The following CACHD1 variants were observed in gnomAD, a reference collection of about 807,000 sequenced individuals.
CACHD1 encodes the protein VWFA and cache domain-containing protein 1.
A neutral mutation model predicts 138.7 loss-of-function variants in CACHD1; 71 were observed. That is an observed-to-expected ratio of 0.51 (90% CI 0.42 to 0.62). The LOEUF (loss-of-function observed/expected upper bound fraction) is 0.62. CACHD1 is among the 20% of genes least tolerant of loss of function. The pLI, the probability that CACHD1 is intolerant of heterozygous loss-of-function variation, is 0.00. For synonymous variants in CACHD1, 578 were observed against 591.5 expected (o/e 0.98, Z 0.33); for missense variants, 1,389 against 1,625.3 (o/e 0.85, Z 2.50).
At chr1:64,483,874 C>G (rs1280747384) in intron 1 of CACHD1, among the ~76,000 whole-genome samples, 4 of 146,282 alleles carry the variant, frequency 2.7e-5, no homozygotes, top group South Asian at 2.3e-4. Context: ...TCCCCCCCCC[C>G]CTTGCATATA....
chr1:64,505,395 G>A (rs559986223), intron 1 of CACHD1, among the ~76,000 whole-genome samples: 2 of 152,184 alleles, frequency 1.3e-5, no homozygotes, highest in South Asian at 4.1e-4. Flanking sequence ...GGAGGGGAGG[G>A]GAGGGGACAT....
chr1:64,533,004 A>G (rs1220634634), intron 1 of CACHD1, among the ~76,000 whole-genome samples: 1 of 152,004 alleles, frequency 6.6e-6, no homozygotes, highest in Non-Finnish European at 1.5e-5. Flanking sequence ...TGAATTCTGT[A>G]GGATTAGGAC....
At chr1:64,533,174 G>T (rs375783293) in intron 1 of CACHD1, among the ~76,000 whole-genome samples, 53 of 152,174 alleles carry the variant, frequency 3.5e-4, no homozygotes, top group African/African-American at 1.3e-3. Flanking sequence ...TGGTCAACAT[G>T]GTGAAACCCC....
chr1:64,561,850 A>G (rs1646842069), intron 2 of CACHD1, among the ~76,000 whole-genome samples: 1 of 106,562 alleles, frequency 9.4e-6, no homozygotes, highest in Admixed American at 1.1e-4. Flanking sequence ...AGAGCAAGAC[A>G]CTGTCTCCAA....
chr1:64,562,931 A>G (rs1319118319), intron 2 of CACHD1, among the ~76,000 whole-genome samples: 2 of 152,046 alleles, frequency 1.3e-5, no homozygotes, highest in Non-Finnish European at 2.9e-5. Flanking sequence ...CATATATCAA[A>G]AAGTTTTGGT....
chr1:64,564,767 A>G (rs1027160613), intron 2 of CACHD1, among the ~76,000 whole-genome samples: 2 of 152,174 alleles, frequency 1.3e-5, no homozygotes, highest in African/African-American at 4.8e-5. Flanking sequence ...GAAGCTTTTA[A>G]TAGAAGCAAA....
chr1:64,519,613 C>T (rs1398080013), intron 1 of CACHD1, among the ~76,000 whole-genome samples: 1 of 147,930 alleles, frequency 6.8e-6, no homozygotes, highest in Non-Finnish European at 1.5e-5. Flanking sequence ...AACTATCAAT[C>T]AGATCCTCTG....
chr1:64,569,564 C>T (rs1646909954), intron 2 of CACHD1, among the ~76,000 whole-genome samples: 1 of 151,920 alleles, frequency 6.6e-6, no homozygotes, highest in South Asian at 2.1e-4. Context: ...TGGAGAGGAG[C>T]AGCGGGGGCC....
intron 19 of CACHD1, among the ~76,000 whole-genome samples, chr1:64,674,377 G>A (rs551850991): frequency 6.6e-6 from 1 of 152,304 alleles, no homozygotes; most frequent in South Asian, 2.1e-4. Context: ...AGGAAAGTCT[G>A]ACTTATTCTG....
intron 1 of CACHD1, among the ~76,000 whole-genome samples, chr1:64,501,061 AG>A (rs1646337206): frequency 6.6e-6 from 1 of 151,594 alleles, no homozygotes; most frequent in African/African-American, 2.4e-5. Flanking sequence ...AAAAAAAAAA[AG>A]GAGAGACAGA....
At chr1:64,685,604 G>A (rs2100746527) in intron 26 of CACHD1, among the ~76,000 whole-genome samples, 1 of 152,014 alleles carries the variant, frequency 6.6e-6, no homozygotes, top group East Asian at 1.9e-4. Context: ...TTAGACCTGA[G>A]TTTCCTAACA....
chr1:64,604,633 A>G (rs1289232369), intron 4 of CACHD1, among the ~76,000 whole-genome samples: 1 of 152,184 alleles, frequency 6.6e-6, no homozygotes, highest in African/African-American at 2.4e-5. Context: ...AATTTTTTAC[A>G]AGTCATGGTA....
intron 9 of CACHD1, among the ~76,000 whole-genome samples, chr1:64,651,617 T>C (rs949283096): frequency 1.3e-5 from 2 of 152,110 alleles, no homozygotes; most frequent in East Asian, 1.9e-4. Context: ...ATCGCACCAC[T>C]GCATTCCAAC....
chr1:64,507,913 T>C (rs952946626), intron 1 of CACHD1, among the ~76,000 whole-genome samples: 2 of 152,222 alleles, frequency 1.3e-5, no homozygotes, highest in South Asian at 2.1e-4. Flanking sequence ...TCCTTCTGTA[T>C]TAGTCCATTC....
chr1:64,631,425 A>G (rs1224318344), intron 5 of CACHD1, among the ~76,000 whole-genome samples: 1 of 152,182 alleles, frequency 6.6e-6, no homozygotes, highest in Non-Finnish European at 1.5e-5. Context: ...GTGGTACTTT[A>G]GTAATTACTG....
At chr1:64,641,262 C>A (rs1648703810) in intron 7 of CACHD1, among the ~76,000 whole-genome samples, 1 of 5,348 alleles carries the variant, frequency 1.9e-4, no homozygotes, top group Non-Finnish European at 0.015. Context: ...CAGAGCTGGG[C>A]TTTGAACACA....
At chr1:64,682,629 T>G (rs12081048) in intron 26 of CACHD1, among the ~76,000 whole-genome samples, 17,376 of 152,102 alleles carry the variant, frequency 0.11, 2,021 homozygotes, top group East Asian at 0.41. Context: ...GGACCAGTGT[T>G]TACAAAGTCA....
At chr1:64,683,038 A>G (rs1650243326) in intron 26 of CACHD1, among the ~76,000 whole-genome samples, 1 of 152,074 alleles carries the variant, frequency 6.6e-6, no homozygotes, top group East Asian at 1.9e-4. Context: ...CTGGAAAAAA[A>G]AAGTCCTCAA....
At chr1:64,620,797 C>A (rs1014862428) in intron 4 of CACHD1, among the ~76,000 whole-genome samples, 3 of 152,106 alleles carry the variant, frequency 2.0e-5, no homozygotes, top group Non-Finnish European at 4.4e-5. Context: ...TAATAGGTTT[C>A]TTTTGTAATC....
Sources: allele counts gnomAD v4.1 joint callset (sites outside exome capture counted in the v4.1 genomes callset), GRCh38; gene constraint gnomAD v4.1.1; transcripts MANE v1.5; gene names NCBI Gene and HGNC (gene_info 2026-07-23, HGNC 2026-07-21).